STAG2: variants seen among roughly 807,000 people sequenced by gnomAD.
The protein encoded by STAG2 is cohesin subunit SA-2.
A neutral mutation model predicts 108.1 loss-of-function variants in STAG2; 14 were observed. That is an observed-to-expected ratio of 0.13 (90% CI 0.09 to 0.20). STAG2 has a LOEUF of 0.20. STAG2 is among the 10% of genes least tolerant of loss of function. The pLI is 1.00. For synonymous variants in STAG2, 307 were observed against 302.7 expected (o/e 1.01, Z -0.15); for missense variants, 440 against 940.9 (o/e 0.47, Z 6.96).
At chrX:124,041,708 A>G (rs2057726534) in intron 6 of STAG2, among the ~76,000 whole-genome samples, 1 of 111,142 alleles carries the variant, frequency 9.0e-6, no homozygotes, top group Non-Finnish European at 1.9e-5. Flanking sequence ...AAGTTCATGT[A>G]TCTCTTCTTA....
intron 1 of STAG2, among the ~76,000 whole-genome samples, chrX:123,994,007 CAG>C (rs1453935031): frequency 9.0e-6 from 1 of 111,497 alleles, no homozygotes; most frequent in Non-Finnish European, 1.9e-5. Flanking sequence ...TTTGCTGTAA[CAG>C]AACACCCGAG....
intron 1 of STAG2, among the ~76,000 whole-genome samples, chrX:124,006,200 C>T (rs1459522894): frequency 9.0e-6 from 1 of 111,035 alleles, no homozygotes; most frequent in African/African-American, 3.3e-5. Flanking sequence ...CATGTTTTGG[C>T]TATTACAAAC....
At chrX:124,031,678 A>T (rs184691413) in intron 5 of STAG2, among the ~76,000 whole-genome samples, 1 of 108,167 alleles carries the variant, frequency 9.2e-6, no homozygotes, top group Non-Finnish European at 1.9e-5. Flanking sequence ...TTGGCCTCCC[A>T]AAGTGCTGGG....
intron 1 of STAG2, among the ~76,000 whole-genome samples, chrX:123,997,575 C>G (rs749905841): frequency 1.2e-4 from 13 of 112,335 alleles, no homozygotes; most frequent in Non-Finnish European, 1.1e-4. Context: ...AATATTTGTC[C>G]TTTTGTGACT....
chrX:123,976,736 C>G (rs995317351), intron 1 of STAG2, among the ~76,000 whole-genome samples: 1 of 111,520 alleles, frequency 9.0e-6, no homozygotes, highest in Non-Finnish European at 1.9e-5. Flanking sequence ...TCACAACAAC[C>G]CTATTGAGGT....
intron 23 of STAG2, 110 bp downstream of exon 23, chrX:124,066,546 T>C (rs2058535802): frequency 1.9e-6 from 1 of 522,931 alleles, no homozygotes; most frequent in African/African-American, 2.3e-5. Context: ...TGCTTGTTTC[T>C]AATGTACTGT....
chrX:124,095,509 G>A, intron 34 of STAG2, 60 bp downstream of exon 34: 1 of 953,046 alleles, frequency 1.0e-6, no homozygotes, highest in Non-Finnish European at 1.5e-6. Flanking sequence ...CAGTCTCTCA[G>A]TTTGAGGTTG....
At chrX:124,031,245 G>A (rs1324480630) in intron 5 of STAG2, 120 bp downstream of exon 5, 5 of 728,951 alleles carry the variant, frequency 6.9e-6, no homozygotes, top group Non-Finnish European at 9.3e-6. Context: ...TTAGAAAAAA[G>A]CAACAAAATC....
At chrX:123,963,489 T>G (rs1171840016) in intron 1 of STAG2, 2 of 111,294 alleles carry the variant, frequency 1.8e-5, no homozygotes, top group African/African-American at 6.5e-5. Flanking sequence ...AAATGCCTGG[T>G]TTTCTTTCTA....
At chrX:123,966,572 A>G (rs1322708967) in intron 1 of STAG2, among the ~76,000 whole-genome samples, 3 of 111,862 alleles carry the variant, frequency 2.7e-5, no homozygotes, top group African/African-American at 9.8e-5. Context: ...GGTATCATAA[A>G]TGATGGTTAT....
chrX:124,050,789 T>A (rs2058015530), intron 11 of STAG2, among the ~76,000 whole-genome samples: 1 of 111,864 alleles, frequency 8.9e-6, no homozygotes, highest in Non-Finnish European at 1.9e-5. Flanking sequence ...AGAAATTGAT[T>A]GTATATAATT....
intron 33 of STAG2, among the ~76,000 whole-genome samples, chrX:124,094,921 A>T (rs188544911): frequency 2.5e-3 from 258 of 104,985 alleles, no homozygotes; most frequent in Middle Eastern, 5.2e-3. Flanking sequence ...GTCTCTTAGG[A>T]TAATTTTCCA....
Position 124,074,900 on chromosome X carries a change from A to C in STAG2, c.2534-1432A>C, listed in dbSNP as rs145891793. Among the ~76,000 whole-genome samples the C allele has an allele frequency of 7.4e-3, 832 of 112,402 alleles. 7 individuals are homozygous for C. The highest frequency in any genetic ancestry group is 0.025 in the African/African-American group (781 of 30,963). The stretch of plus-strand genomic sequence containing the variant: ...TATGCGATTGGAAACAATGTCATGT[A>C]GAAATTGTCCATTATAGTGACAGAG... On this transcript the variant is annotated intron_variant, in intron 25 of 34. Transcript: ENST00000371145.
chrX:124,009,439 G>GTGGGTAGA (rs1556479598), intron 1 of STAG2, among the ~76,000 whole-genome samples: 5 of 62,515 alleles, frequency 8.0e-5, no homozygotes, highest in African/African-American at 3.2e-4. Flanking sequence ...AGGTAGGTAG[G>GTGGGTAGA]TAGGTAGATA....
rs767806806 is a variant in STAG2 at position 124,025,461 on chromosome X, T to C, written c.45-379T>C. Among the ~76,000 whole-genome samples the C allele has an allele frequency of 2.9e-4, 32 of 111,415 alleles. No homozygotes were observed. The South Asian group carries it at 0.01, about 36-fold the overall frequency. ...TCCCTAATAAAGTTCCTCCAATGCC[T>C]AGTATTAAAATACAGTTTTTCCGCA... On this transcript the variant is annotated intron_variant, in intron 3 of 34. Transcript: ENST00000371145.
chrX:124,076,540 T>G lies in STAG2; in HGVS notation c.2673+69T>G, dbSNP rs1304859156. 3.0e-6 allele frequency: 3 copies of G among 999,877 alleles called. No individual in the cohort carries two copies. In the African/African-American group the frequency reaches 5.9e-5, roughly 20 times the overall value. The allele number at this position is 999,877 out of a possible 1,213,427, so 82.4% of individuals were successfully genotyped here. A position where few individuals can be genotyped will look rare whatever the true frequency, so the allele number is the denominator to read the frequency against. On this transcript the variant is annotated intron_variant, in intron 26 of 34. Coordinates refer to ENST00000371145, the MANE Select transcript of STAG2 (RefSeq NM_001042750.2). ...GCTAGTTTTTATGCATGGCTGCCATTGAATTCTTTAAGGGCAAATTACATT... is the reference window on the plus strand; with the variant it reads ...GCTAGTTTTTATGCATGGCTGCCATGGAATTCTTTAAGGGCAAATTACATT...
chrX:124,027,118 A>G (rs941061345), intron 4 of STAG2, among the ~76,000 whole-genome samples: 1 of 111,411 alleles, frequency 9.0e-6, no homozygotes, highest in Non-Finnish European at 1.9e-5. Context: ...AGATTTCACT[A>G]TGTTCCCCAG....
At chrX:124,078,130 G>C in intron 27 of STAG2, 72 bp downstream of exon 27, 1 of 740,209 alleles carries the variant, frequency 1.4e-6, no homozygotes, top group South Asian at 2.5e-5. Flanking sequence ...GGTAGCAGTT[G>C]AAATTGGGCA....
intron 1 of STAG2, among the ~76,000 whole-genome samples, chrX:123,983,389 G>A (rs1057419915): frequency 9.0e-6 from 1 of 111,455 alleles, no homozygotes; most frequent in Admixed American, 9.6e-5. Flanking sequence ...TAGCCTAGTA[G>A]TGCTAAGTTG....
Sources: allele counts gnomAD v4.1 joint callset (sites outside exome capture counted in the v4.1 genomes callset), GRCh38; gene constraint gnomAD v4.1.1; transcripts MANE v1.5; gene names NCBI Gene and HGNC (gene_info 2026-07-23, HGNC 2026-07-21).